Variants in PHF7 observed in about 807,000 individuals in gnomAD.
The protein encoded by PHF7 is PHD finger protein 7, also known as E3 ubiquitin-protein ligase PHF7.
In PHF7, 24 loss-of-function variants were observed where a neutral mutation model predicts 47.5. The observed-to-expected ratio is 0.51, with a 90% CI of 0.37 to 0.71. The LOEUF is 0.71. Ranked by LOEUF, PHF7 falls within the 30% of genes least tolerant of loss-of-function variation. The probability of loss-of-function intolerance (pLI) is 0.00; values close to 1 mark genes in which losing one functional copy is unlikely to be tolerated. For missense variants in PHF7, 361 were observed against 456.8 expected (o/e 0.79, Z 1.91); for synonymous variants, 156 against 153.8 (o/e 1.01, Z -0.11).
intron 8 of PHF7, chr3:52,421,975 C>G (rs1705804482): frequency 1.7e-6 from 1 of 591,838 alleles, no homozygotes; most frequent in South Asian, 2.0e-5. Context: ...TTTGGGGAAT[C>G]AGAATTCCCT....
intron 5 of PHF7, 83 bp downstream of exon 5, chr3:52,420,017 A>G: frequency 1.2e-6 from 1 of 849,910 alleles, no homozygotes; most frequent in Non-Finnish European, 1.9e-6. Context: ...TCTCTTCCCT[A>G]CTTCCTAGTT....
At position 52,412,819 on chromosome 3, in the gene PHF7, G is replaced by C. The variant is rs775223132; in HGVS notation, c.-61G>C. 1.7e-5 allele frequency: 22 copies of C among 1,280,994 alleles called. No individual in the cohort carries two copies. The highest frequency in any genetic ancestry group is 2.5e-5 in the Non-Finnish European group (22 of 883,488). 79.4% of individuals were successfully genotyped at this position (1,280,994 alleles called of 1,614,324 possible). ...CCCATTTATATTTATAGCTGGAAGA[G>C]CCTGTATTGTCCTCACAATAGTATA... On this transcript the variant is annotated 5_prime_UTR_variant, in exon 2 of 11. Transcript: ENST00000327906.
chr3:52,414,493 C>T lies in PHF7; in HGVS notation c.95-3C>T, dbSNP rs1466054882. ...GCCAAATTCTGGGTGTCCTCTCTTC[C>T]AGTTTGCTGGCTATGCCTTCGAGAA... On this transcript the variant is annotated splice_region_variant and splice_polypyrimidine_tract_variant and intron_variant, in intron 3 of 10. Coordinates refer to ENST00000327906, the MANE Select transcript of PHF7 (RefSeq NM_016483.7). 6.3e-7 allele frequency: 1 copy of T among 1,594,626 alleles called. No homozygotes were observed. The highest frequency in any genetic ancestry group is 1.1e-5 in the South Asian group (1 of 90,142).
chr3:52,421,442 G>A (rs1439042400), intron 7 of PHF7, among the ~76,000 whole-genome samples: 1 of 152,144 alleles, frequency 6.6e-6, no homozygotes, highest in African/African-American at 2.4e-5. Context: ...GACAGCTGAG[G>A]CACTCCTGGG....
chr3:52,423,025 G>A, intron 10 of PHF7, 66 bp from the exon 11 acceptor site: 2 of 1,485,952 alleles, frequency 1.3e-6, no homozygotes, highest in Admixed American at 1.7e-5. Context: ...CTAGAGAGGA[G>A]CTTAAGGACC....
chr3:52,422,593 G>T (rs769140731), intron 9 of PHF7, 167 bp from the exon 10 acceptor site: 16 of 741,706 alleles, frequency 2.2e-5, no homozygotes, highest in Non-Finnish European at 3.7e-5. Flanking sequence ...CCTTTCAAGG[G>T]GTTACGACTG....
chr3:52,421,076 C>CTGTAT lies in PHF7; in HGVS notation c.573+14_573+15insTGTAT, dbSNP rs772549193. ...AAGTGCATACAGGTGGGGCTTTTTC[C>CTGTAT]GCCCTGGGTCCCTTCCACCATTGCC... On this transcript the variant is annotated intron_variant, in intron 7 of 10. Coordinates refer to ENST00000327906, the MANE Select transcript of PHF7 (RefSeq NM_016483.7). The CTGTAT allele has an allele frequency of 6.3e-7, 1 of 1,589,884 alleles. No individual in the cohort carries two copies.
At chr3:52,417,540 A>G (rs981656251) in intron 4 of PHF7, among the ~76,000 whole-genome samples, 2 of 152,226 alleles carry the variant, frequency 1.3e-5, no homozygotes, top group African/African-American at 4.8e-5. Context: ...TTCTGTGGTT[A>G]TGCTATTGTA....
At chr3:52,412,777 T>A in intron 1 of PHF7, 34 bp from the exon 2 acceptor site, 2 of 952,750 alleles carry the variant, frequency 2.1e-6, no homozygotes, top group Non-Finnish European at 3.3e-6. Flanking sequence ...AATACAGAAT[T>A]AAATTGCTTA....
intron 9 of PHF7, 121 bp from the exon 10 acceptor site, chr3:52,422,639 G>A (rs1705826123): frequency 9.6e-7 from 1 of 1,042,102 alleles, no homozygotes; most frequent in Non-Finnish European, 1.5e-6. Context: ...CATCCTCTCT[G>A]AGCCATACAT....
In PHF7 at chr3:52,423,379, T is replaced by G; in HGVS notation, c.*62T>G. 1 of 1,092,744 alleles carries G rather than the reference T, an allele frequency of 9.2e-7. No individual in the cohort carries two copies. Among genetic ancestry groups the G allele is most frequent in the Non-Finnish European group, 1.4e-6 (1 of 730,494 alleles). The allele number at this position is 1,092,744 out of a possible 1,614,324, so 67.7% of individuals were successfully genotyped here. A position where few individuals can be genotyped will look rare whatever the true frequency, so the allele number is the denominator to read the frequency against. ...ATGAAGCTGCGCTCCTCCATCGGGT[T>G]TGGGGAGGGAGCACTCTGGGACTGT... is the stretch of plus-strand genomic sequence containing the variant. On this transcript the variant is annotated 3_prime_UTR_variant, in exon 11 of 11. Transcript: ENST00000327906.
intron 4 of PHF7, 38 bp from the exon 5 acceptor site, chr3:52,419,795 T>C (rs1217615048): frequency 8.9e-7 from 1 of 1,127,886 alleles, no homozygotes; most frequent in Non-Finnish European, 1.3e-6. Flanking sequence ...GTTTCACTGA[T>C]CATCATTGTT....
chr3:52,413,733 G>A (rs1395911462), intron 2 of PHF7, among the ~76,000 whole-genome samples: 2 of 152,196 alleles, frequency 1.3e-5, no homozygotes, highest in Non-Finnish European at 2.9e-5. Context: ...TCCTCGGGAG[G>A]CTGAGGCAGG....
At chr3:52,413,301 A>G (rs1705517329) in intron 2 of PHF7, among the ~76,000 whole-genome samples, 1 of 152,212 alleles carries the variant, frequency 6.6e-6, no homozygotes. Context: ...AGTGCCAAGA[A>G]TAGTGCCTCG....
At position 52,420,951 on chromosome 3, in the gene PHF7, T is replaced by C. The variant is rs749124950; in HGVS notation, c.462T>C (p.His154=). Residue 154 remains histidine (H), a synonymous_variant, in exon 7 of 11, where the codon CAT becomes CAC. Transcript: ENST00000327906. ...CAACACAGAACATCCAACATGGGCA[T>C]GTGGGGGAGGAAAGCTGCATCTTAT... ...HRPTQNIQHG[H]VGEESCILCC... 74 of 1,612,944 alleles carry C rather than the reference T, an allele frequency of 4.6e-5. No homozygotes were observed. Among genetic ancestry groups the C allele is most frequent in the Non-Finnish European group, 6.3e-5 (74 of 1,179,236 alleles).
intron 4 of PHF7, among the ~76,000 whole-genome samples, chr3:52,417,677 G>A (rs1389236243): frequency 6.6e-6 from 1 of 151,952 alleles, no homozygotes; most frequent in African/African-American, 2.4e-5. Flanking sequence ...TTATTTTGTT[G>A]TAAATGCCTT....
intron 3 of PHF7, 111 bp from the exon 4 acceptor site, chr3:52,414,384 CT>C: frequency 2.8e-6 from 2 of 705,980 alleles, no homozygotes; most frequent in Middle Eastern, 2.5e-4. Flanking sequence ...CAAAATGACC[CT>C]TTTCCTAGTA....
intron 4 of PHF7, chr3:52,414,844 T>TA (rs80181327): frequency 0.011 from 1,169 of 107,404 alleles, 3 homozygotes; most frequent in South Asian, 0.02. Context: ...ACAAAAAAAT[T>TA]AAAAAAAAAA....
chr3:52,411,603 G>A (rs149002031), intron 1 of PHF7, among the ~76,000 whole-genome samples: 1 of 152,292 alleles, frequency 6.6e-6, no homozygotes, highest in Non-Finnish European at 1.5e-5. Flanking sequence ...AGTGTCTCTG[G>A]AGTGACCTGA....
Sources: gnomAD v4.1 joint callset for allele counts (sites outside exome capture counted in the v4.1 genomes callset) on GRCh38, gnomAD v4.1.1 for gene constraint, MANE v1.5 for transcripts, NCBI Gene and HGNC (gene_info 2026-07-23, HGNC 2026-07-21) for gene names.